LRBA: variants seen among roughly 807,000 people sequenced by gnomAD.
The protein encoded by LRBA is LPS responsive beige-like anchor protein.
In LRBA, 176 loss-of-function variants were observed where a neutral mutation model predicts 330.0. That is an observed-to-expected ratio of 0.53 (90% CI 0.47 to 0.60). The LOEUF (loss-of-function observed/expected upper bound fraction) is 0.60, where lower values mean the gene tolerates loss of function less well. LRBA is among the 20% of genes least tolerant of loss of function. LRBA has a pLI of 0.00. For missense variants in LRBA, 3,259 were observed against 3,444.8 expected (o/e 0.95, Z 1.35); for synonymous variants, 1,230 against 1,193.0 (o/e 1.03, Z -0.64).
intron 37 of LRBA, among the ~76,000 whole-genome samples, chr4:150,640,085 T>C (rs1438482682): frequency 2.0e-5 from 3 of 151,426 alleles, no homozygotes; most frequent in African/African-American, 7.3e-5. Context: ...CTTGAACTCC[T>C]GACCTAGGCA....
intron 36 of LRBA, among the ~76,000 whole-genome samples, chr4:150,730,713 A>G (rs1730337325): frequency 6.6e-6 from 1 of 151,110 alleles, no homozygotes; most frequent in Non-Finnish European, 1.5e-5. Context: ...AAGAAAAGAG[A>G]AAAGAAAGAA....
intron 5 of LRBA, 106 bp from the exon 6 acceptor site, chr4:150,916,844 T>C (rs1458281036): frequency 4.7e-6 from 4 of 857,160 alleles, no homozygotes; most frequent in Non-Finnish European, 3.4e-6. Flanking sequence ...TACATCACAT[T>C]ACTTTATGTC....
intron 36 of LRBA, among the ~76,000 whole-genome samples, chr4:150,731,019 A>AAAAAC (rs1189548702): frequency 1.3e-5 from 2 of 152,200 alleles, no homozygotes; most frequent in African/African-American, 2.4e-5. Flanking sequence ...CTCTGTCTCA[A>AAAAAC]AAAACAAAAC....
chr4:150,909,186 G>C (rs144547589), intron 9 of LRBA, among the ~76,000 whole-genome samples: 1 of 152,096 alleles, frequency 6.6e-6, no homozygotes, highest in African/African-American at 2.4e-5. Context: ...GTATAATTGA[G>C]AAACATTAAC....
At chr4:150,776,750 C>T in intron 34 of LRBA, among the ~76,000 whole-genome samples, 1 of 135,646 alleles carries the variant, frequency 7.4e-6, no homozygotes, top group Admixed American at 8.1e-5. Flanking sequence ...GCACAGGTTG[C>T]AGTGAGCCAA....
chr4:150,470,670 T>G (rs1052842529), intron 43 of LRBA, among the ~76,000 whole-genome samples: 25 of 152,156 alleles, frequency 1.6e-4, no homozygotes, highest in African/African-American at 6.0e-4. Flanking sequence ...GCACCACCAT[T>G]TTCCCACTAA....
chr4:150,783,853 A>G (rs1738623795), intron 34 of LRBA, among the ~76,000 whole-genome samples: 1 of 152,252 alleles, frequency 6.6e-6, no homozygotes, highest in Admixed American at 6.5e-5. Flanking sequence ...TGAAAATAAA[A>G]CAGCTATTAA....
intron 2 of LRBA, among the ~76,000 whole-genome samples, chr4:150,994,262 C>T (rs1742407220): frequency 6.6e-6 from 1 of 152,080 alleles, no homozygotes; most frequent in Non-Finnish European, 1.5e-5. Flanking sequence ...ACAGGGTGCT[C>T]TGAGGCTGCC....
chr4:150,487,986 T>C (rs1446330044), intron 41 of LRBA, 152 bp from the exon 42 acceptor site: 2 of 403,600 alleles, frequency 5.0e-6, no homozygotes, highest in Admixed American at 7.0e-5. Flanking sequence ...TATCAAGTTT[T>C]AGTATTAATA....
chr4:150,276,269 T>G (rs1231626724), intron 56 of LRBA, among the ~76,000 whole-genome samples: 1 of 152,142 alleles, frequency 6.6e-6, no homozygotes, highest in African/African-American at 2.4e-5. Context: ...TTACACCTTA[T>G]ACAAAAATTA....
intron 44 of LRBA, among the ~76,000 whole-genome samples, chr4:150,443,426 C>T (rs1191178865): frequency 6.6e-6 from 1 of 152,092 alleles, no homozygotes; most frequent in Admixed American, 6.6e-5. Context: ...CTACTCACAA[C>T]AGCAAAGACT....
At chr4:150,312,700 TAA>T (rs1426238492) in intron 51 of LRBA, among the ~76,000 whole-genome samples, 1 of 152,148 alleles carries the variant, frequency 6.6e-6, no homozygotes, top group Non-Finnish European at 1.5e-5. Flanking sequence ...TAATTAAAAA[TAA>T]GTTTTAATGA....
chr4:150,475,078 T>C (rs1198039641), intron 42 of LRBA, among the ~76,000 whole-genome samples: 1 of 152,230 alleles, frequency 6.6e-6, no homozygotes, highest in Non-Finnish European at 1.5e-5. Flanking sequence ...GTGCATGACA[T>C]AAATTGATTT....
chr4:150,878,478 T>TA (rs1293030341), intron 17 of LRBA, among the ~76,000 whole-genome samples: 2 of 140,936 alleles, frequency 1.4e-5, no homozygotes, highest in Non-Finnish European at 3.1e-5. Flanking sequence ...CAGAAGAAAA[T>TA]AAAAAATAAC....
intron 33 of LRBA, among the ~76,000 whole-genome samples, chr4:150,803,044 T>TAAAAAC (rs1230102482): frequency 1.1e-5 from 1 of 92,432 alleles, no homozygotes. Flanking sequence ...AAAAAAAAAC[T>TAAAAAC]AAAAACAAAA....
At chr4:150,761,467 A>G (rs1735080983) in intron 35 of LRBA, among the ~76,000 whole-genome samples, 2 of 152,098 alleles carry the variant, frequency 1.3e-5, no homozygotes. Context: ...CTCTACACAC[A>G]TAAAATAACT....
intron 36 of LRBA, among the ~76,000 whole-genome samples, chr4:150,723,549 C>T (rs554590056): frequency 2.6e-5 from 4 of 152,166 alleles, no homozygotes; most frequent in Non-Finnish European, 5.9e-5. Context: ...CCCTGAATAA[C>T]CAGCAGTGAT....
intron 2 of LRBA, among the ~76,000 whole-genome samples, chr4:150,986,941 T>C (rs1741528098): frequency 6.6e-6 from 1 of 152,132 alleles, no homozygotes; most frequent in South Asian, 2.1e-4. Flanking sequence ...CAGAAAAAAA[T>C]CATAGGATAT....
intron 2 of LRBA, among the ~76,000 whole-genome samples, chr4:151,003,045 C>CGTGT (rs35823392): frequency 0.04 from 5,828 of 147,244 alleles, 305 homozygotes; most frequent in African/African-American, 0.13. Context: ...TATGTGTTTG[C>CGTGT]GTGTGTGTGT....
Sources: allele counts gnomAD v4.1 joint callset (sites outside exome capture counted in the v4.1 genomes callset), GRCh38; gene constraint gnomAD v4.1.1; transcripts MANE v1.5; gene names NCBI Gene and HGNC (gene_info 2026-07-23, HGNC 2026-07-21).